Variants in DIAPH3 observed in about 807,000 individuals in gnomAD.
DIAPH3 encodes the protein diaphanous related formin 3, also known as protein diaphanous homolog 3.
A neutral mutation model predicts 144.3 loss-of-function variants in DIAPH3; 117 were observed. The ratio of observed to expected loss-of-function variants is 0.81; its 90% confidence interval spans 0.70 to 0.95. The LOEUF is 0.95. Among genes scored for constraint, DIAPH3 ranks in the 40% least tolerant of loss-of-function variants. The pLI is 0.00. For synonymous variants in DIAPH3, 519 were observed against 488.9 expected (o/e 1.06, Z -0.81); for missense variants, 1,421 against 1,412.7 (o/e 1.01, Z -0.09).
chr13:60,106,385 T>A (rs1401050051), intron 3 of DIAPH3, among the ~76,000 whole-genome samples: 1 of 152,082 alleles, frequency 6.6e-6, no homozygotes, highest in Non-Finnish European at 1.5e-5. Flanking sequence ...AAAAATTGGA[T>A]CCACATCTCA....
At chr13:59,880,008 A>G (rs1427126752) in intron 20 of DIAPH3, among the ~76,000 whole-genome samples, 4 of 152,168 alleles carry the variant, frequency 2.6e-5, no homozygotes, top group Non-Finnish European at 5.9e-5. Context: ...GAAACACAGG[A>G]AAGTAGAATG....
chr13:59,875,420 A>AT (rs1442113964), intron 21 of DIAPH3, among the ~76,000 whole-genome samples: 2 of 151,736 alleles, frequency 1.3e-5, no homozygotes, highest in Admixed American at 6.6e-5. Flanking sequence ...TGAAACGTAC[A>AT]TTTTTTTTCA....
chr13:59,757,546 G>A (rs377706265), intron 27 of DIAPH3, among the ~76,000 whole-genome samples: 7 of 151,556 alleles, frequency 4.6e-5, no homozygotes, highest in African/African-American at 2.4e-5. Flanking sequence ...GACTACAGGC[G>A]CCCGCCACCA....
chr13:59,755,214 T>G (rs1214744780), intron 27 of DIAPH3, among the ~76,000 whole-genome samples: 3 of 152,110 alleles, frequency 2.0e-5, no homozygotes, highest in African/African-American at 7.2e-5. Flanking sequence ...CCACACAACT[T>G]CTAAGCACTA....
intron 2 of DIAPH3, among the ~76,000 whole-genome samples, chr13:60,132,005 G>A (rs2059154294): frequency 6.6e-6 from 1 of 152,204 alleles, no homozygotes; most frequent in Non-Finnish European, 1.5e-5. Context: ...TGCAAGGTGA[G>A]AAATCTGTAT....
chr13:60,148,649 G>A (rs1009952532), intron 1 of DIAPH3, among the ~76,000 whole-genome samples: 3 of 152,180 alleles, frequency 2.0e-5, no homozygotes, highest in African/African-American at 7.2e-5. Context: ...GATCAGAAGA[G>A]AAGAACATGT....
In DIAPH3 at chr13:59,670,134, AGCTGTGGGCTT is replaced by A. The variant is rs1308770885; in HGVS notation, c.3320-3299_3320-3289del. Among the ~76,000 whole-genome samples, 36 of 152,192 alleles carry A rather than the reference AGCTGTGGGCTT, an allele frequency of 2.4e-4. 1 individual carries two copies. Among genetic ancestry groups the A allele is most frequent in the Admixed American group, 2.4e-3 (36 of 15,280 alleles). ...CTATCCTTTTGAGAAAACTCAAAAT[AGCTGTGGGCTT>A]GCTTTAGGGACAAAATGATAAGAGA... On this transcript the variant is annotated intron_variant, in intron 27 of 27. Coordinates refer to ENST00000400324, the MANE Select transcript of DIAPH3 (RefSeq NM_001042517.2).
chr13:59,979,041 C>A (rs1431337053), intron 14 of DIAPH3, among the ~76,000 whole-genome samples: 1 of 151,626 alleles, frequency 6.6e-6, no homozygotes, highest in Non-Finnish European at 1.5e-5. Flanking sequence ...ATAAAACTAT[C>A]AGAACAAAGT....
chr13:60,093,510 A>T, intron 4 of DIAPH3, 118 bp downstream of exon 4: 1 of 691,356 alleles, frequency 1.4e-6, no homozygotes. Flanking sequence ...TTAATTATAC[A>T]TTCAGAAGCC....
chr13:60,040,226 C>CAAAAAAA (rs5803983), intron 5 of DIAPH3, among the ~76,000 whole-genome samples: 12 of 34,814 alleles, frequency 3.4e-4, no homozygotes, highest in Admixed American at 4.7e-4. Context: ...GACTCCATCT[C>CAAAAAAA]AAAAAAAAAA....
intron 27 of DIAPH3, among the ~76,000 whole-genome samples, chr13:59,677,419 TG>T (rs2032705130): frequency 6.6e-6 from 1 of 151,658 alleles, no homozygotes; most frequent in Admixed American, 6.6e-5. Context: ...CATTAAACAT[TG>T]AAAAAAAAAG....
rs190868206 is a variant in DIAPH3 at position 60,114,835 on chromosome 13, T to C, written c.214-2649A>G. ...GCTAATTTCTCACCAGAAACAATGG[T>C]GGCAAAAGACAATGGAATGGCATCT... is the stretch of plus-strand genomic sequence containing the variant. On this transcript the variant is annotated intron_variant, in intron 2 of 27. Transcript: ENST00000400324. 2.4e-3 allele frequency among the ~76,000 whole-genome samples: 369 copies of C among 152,220 alleles called. 1 individual carries two copies. The highest frequency in any genetic ancestry group is 8.4e-3 in the African/African-American group (350 of 41,540).
At chr13:59,799,598 A>G (rs1482592000) in intron 25 of DIAPH3, among the ~76,000 whole-genome samples, 1 of 152,236 alleles carries the variant, frequency 6.6e-6, no homozygotes, top group Non-Finnish European at 1.5e-5. Context: ...GACATATGTC[A>G]TATCTTGTCC....
At chr13:60,133,382 T>A (rs997683930) in intron 1 of DIAPH3, among the ~76,000 whole-genome samples, 1 of 152,050 alleles carries the variant, frequency 6.6e-6, no homozygotes. Flanking sequence ...TATAAAAGAT[T>A]TTAATGTGAT....
intron 1 of DIAPH3, among the ~76,000 whole-genome samples, chr13:60,155,527 G>A (rs796725843): frequency 1.3e-5 from 2 of 152,302 alleles, no homozygotes; most frequent in African/African-American, 4.8e-5. Flanking sequence ...GGAAAATTCA[G>A]AGCAATTTCT....
rs189080157 is a variant in DIAPH3, at chr13:60,092,115, G to T, written c.495+1513C>A. ...CTTGACTTCTCAAACCACCATACCT[G>T]CCCATTTAACTCTGATAATGAGTCC... On this transcript the variant is annotated intron_variant, in intron 4 of 27. Transcript: ENST00000400324. 1.8e-3 allele frequency among the ~76,000 whole-genome samples: 276 copies of T among 151,998 alleles called. 1 individual carries two copies. The highest frequency in any genetic ancestry group is 1.2e-3 in the East Asian group (6 of 5,160).
intron 26 of DIAPH3, 63 bp from the exon 27 acceptor site, chr13:59,774,311 A>T: frequency 1.5e-6 from 2 of 1,347,988 alleles, no homozygotes; most frequent in Non-Finnish European, 2.1e-6. Context: ...GAAGGAAAAC[A>T]GTATTAGACA....
Position 60,163,840 on chromosome 13 carries a change from A to C in DIAPH3, c.-74T>G. The C allele has an allele frequency of 6.6e-7, 1 of 1,522,092 alleles. No individual in the cohort carries two copies. Among genetic ancestry groups the C allele is most frequent in the Non-Finnish European group, 8.8e-7 (1 of 1,137,378 alleles). 94.3% of individuals were successfully genotyped at this position (1,522,092 alleles called of 1,614,324 possible). On this transcript the variant is annotated 5_prime_UTR_variant, in exon 1 of 28. Coordinates refer to ENST00000400324, the MANE Select transcript of DIAPH3 (RefSeq NM_001042517.2). ...CCGCAAGCTGGAAGCTGAGGGATCG[A>C]CAACAGGTTTTACTCCCGGGGTCCG...
intron 21 of DIAPH3, among the ~76,000 whole-genome samples, chr13:59,875,118 C>A (rs1238141473): frequency 6.6e-6 from 1 of 152,106 alleles, no homozygotes; most frequent in Admixed American, 6.5e-5. Context: ...TAACCAGATA[C>A]AAACTTTTCT....
Sources: gnomAD v4.1 joint callset for allele counts (sites outside exome capture counted in the v4.1 genomes callset) on GRCh38, gnomAD v4.1.1 for gene constraint, MANE v1.5 for transcripts, NCBI Gene and HGNC (gene_info 2026-07-23, HGNC 2026-07-21) for gene names.